DPYSL5: variants seen among roughly 807,000 people sequenced by gnomAD.
The protein encoded by DPYSL5 is dihydropyrimidinase-related protein 5.
A neutral mutation model predicts 58.4 loss-of-function variants in DPYSL5; 9 were observed. The ratio of observed to expected loss-of-function variants is 0.15; its 90% CI spans 0.09 to 0.27. The LOEUF (loss-of-function observed/expected upper bound fraction) is 0.27. DPYSL5 is among the 10% of genes least tolerant of loss of function. The pLI, the probability that DPYSL5 is intolerant of heterozygous loss-of-function variation, is 1.00. For missense variants in DPYSL5, 499 were observed against 770.6 expected (o/e 0.65, Z 4.17); for synonymous variants, 293 against 301.9 (o/e 0.97, Z 0.31).
chr2:26,901,357 C>G (rs776532979), intron 2 of DPYSL5, among the ~76,000 whole-genome samples: 1 of 152,110 alleles, frequency 6.6e-6, no homozygotes, highest in Non-Finnish European at 1.5e-5. Context: ...TTAGTAGATC[C>G]TGCCCAGAGT....
intron 1 of DPYSL5, among the ~76,000 whole-genome samples, chr2:26,880,433 C>T (rs904012176): frequency 6.6e-6 from 1 of 152,214 alleles, no homozygotes; most frequent in East Asian, 1.9e-4. Context: ...ATCCTATGAC[C>T]ACACTTGGAT....
chr2:26,893,236 T>C (rs1166798673), intron 1 of DPYSL5, among the ~76,000 whole-genome samples: 1 of 152,214 alleles, frequency 6.6e-6, no homozygotes, highest in African/African-American at 2.4e-5. Context: ...TAAGCTTTCT[T>C]GTTTGTTGTT....
chr2:26,942,830 A>C lies in DPYSL5; in HGVS notation c.1440+80A>C, dbSNP rs1027916166. On this transcript the variant is annotated intron_variant, in intron 11 of 12. Coordinates refer to ENST00000288699, the MANE Select transcript of DPYSL5 (RefSeq NM_020134.4). The surrounding 1 kb of genome is among the most constrained non-coding windows in gnomAD (Gnocchi z 5.9). ...CCTCCATGACTGTTTTAAATCTCAA[A>C]GAGATGTTCACTCCAGTTTTCGACC... 3 of 1,499,036 alleles carry C rather than the reference A, an allele frequency of 2.0e-6. No individual in the cohort carries two copies. Among genetic ancestry groups the C allele is most frequent in the Non-Finnish European group, 2.7e-6 (3 of 1,092,846 alleles). 92.9% of individuals were successfully genotyped at this position (1,499,036 alleles called of 1,614,324 possible).
intron 1 of DPYSL5, among the ~76,000 whole-genome samples, chr2:26,855,228 GA>G (rs762111503): frequency 6.1e-5 from 9 of 147,014 alleles, no homozygotes; most frequent in Non-Finnish European, 1.1e-4. Flanking sequence ...AGGAGTTCGA[GA>G]CCAGCCTGGT....
chr2:26,934,714 CCT>C lies in DPYSL5; in HGVS notation c.929_930del (p.Leu310HisfsTer7), dbSNP rs761274355. Reference protein sequence around the residue: ...LRLDTNTSTYLMSLLANDTLN... With the variant: ...LRLDTNTSTYXMSLLANDTLN... ...GACTGGACACCAACACCTCAACCTA[CCT>C]CATGAGCCTGCTGGCCAAGTAAGGC... On this transcript the variant is annotated frameshift_variant, in exon 8 of 13. Coordinates refer to ENST00000288699, the MANE Select transcript of DPYSL5 (RefSeq NM_020134.4). LOFTEE classifies it high-confidence loss of function. This position sits in a 1 kb window ranked among gnomAD's most constrained non-coding sequence, Gnocchi z 4.3. 1 of 1,614,170 alleles carries C rather than the reference CCT, an allele frequency of 6.2e-7. No homozygotes were observed. The highest frequency in any genetic ancestry group is 8.5e-7 in the Non-Finnish European group (1 of 1,180,016).
intron 11 of DPYSL5, among the ~76,000 whole-genome samples, chr2:26,943,011 C>T (rs1665366102): frequency 6.6e-6 from 1 of 152,144 alleles, no homozygotes; most frequent in Admixed American, 6.5e-5. Flanking sequence ...GCTGAGGGCA[C>T]AAGTGGGAAA....
chr2:26,904,336 G>A (rs934494952), intron 2 of DPYSL5, among the ~76,000 whole-genome samples: 1 of 152,198 alleles, frequency 6.6e-6, no homozygotes, highest in African/African-American at 2.4e-5. Context: ...TTCAAAATGC[G>A]CTCTCGTGGA....
At chr2:26,926,535 G>T (rs930444720) in intron 3 of DPYSL5, among the ~76,000 whole-genome samples, 21 of 152,168 alleles carry the variant, frequency 1.4e-4, no homozygotes, top group African/African-American at 4.8e-4. Flanking sequence ...AAATAGAAAA[G>T]AAAGGAAGTA....
chr2:26,889,036 C>T (rs929960936), intron 1 of DPYSL5, among the ~76,000 whole-genome samples: 5 of 152,026 alleles, frequency 3.3e-5, no homozygotes, highest in Admixed American at 1.3e-4. Context: ...GACACTATTC[C>T]CATTCATGAG....
At chr2:26,928,751 A>G in intron 5 of DPYSL5, among the ~76,000 whole-genome samples, 1 of 87,384 alleles carries the variant, frequency 1.1e-5, no homozygotes, top group Non-Finnish European at 2.5e-5. Flanking sequence ...GCACACACAT[A>G]CGTGTGTGCG....
chr2:26,934,812 T>C lies in DPYSL5; in HGVS notation c.947+78T>C. On this transcript the variant is annotated intron_variant, in intron 8 of 12. Coordinates refer to ENST00000288699, the MANE Select transcript of DPYSL5 (RefSeq NM_020134.4). This position sits in a 1 kb window ranked among gnomAD's most constrained non-coding sequence, Gnocchi z 4.3. ...TCATAGAGGGCCCAGGAAACAAATCTGAGCTAGGTTTGATTTCATTGTGCC... is the reference window on the plus strand; with the variant it reads ...TCATAGAGGGCCCAGGAAACAAATCCGAGCTAGGTTTGATTTCATTGTGCC... 6.5e-7 allele frequency: 1 copy of C among 1,549,374 alleles called. No individual in the cohort carries two copies. The highest frequency in any genetic ancestry group is 8.8e-7 in the Non-Finnish European group (1 of 1,138,600).
chr2:26,868,009 C>T (rs1428067332), intron 1 of DPYSL5, among the ~76,000 whole-genome samples: 1 of 152,198 alleles, frequency 6.6e-6, no homozygotes, highest in Non-Finnish European at 1.5e-5. Flanking sequence ...CAAGACCTGC[C>T]AATGACAAGG....
intron 1 of DPYSL5, among the ~76,000 whole-genome samples, chr2:26,888,762 T>G (rs1414167816): frequency 6.6e-6 from 1 of 152,164 alleles, no homozygotes; most frequent in Non-Finnish European, 1.5e-5. Flanking sequence ...ACATTTATTT[T>G]AAGGCCCAGT....
At chr2:26,937,192 A>G (rs1665201762) in intron 8 of DPYSL5, among the ~76,000 whole-genome samples, 1 of 152,128 alleles carries the variant, frequency 6.6e-6, no homozygotes, top group Non-Finnish European at 1.5e-5. Flanking sequence ...GACTGGAATA[A>G]GTATCATTGA....
In DPYSL5 at chr2:26,925,547, T is replaced by G. The variant is rs1353883046; in HGVS notation, c.420+502T>G. Among the ~76,000 whole-genome samples the G allele has an allele frequency of 6.6e-6, 1 of 152,226 alleles. No individual in the cohort carries two copies. Among genetic ancestry groups the G allele is most frequent in the African/African-American group, 2.4e-5 (1 of 41,460 alleles). ...CTTTTTTCCTACTGGGGGCCCAGCT[T>G]CTGCTCTGAGAAGCATCGAGGCTGT... is the stretch of plus-strand genomic sequence containing the variant. On this transcript the variant is annotated intron_variant, in intron 3 of 12. Transcript: ENST00000288699. The surrounding 1 kb of genome is among the most constrained non-coding windows in gnomAD (Gnocchi z 4.5).
intron 1 of DPYSL5, among the ~76,000 whole-genome samples, chr2:26,871,010 A>T (rs1300038943): frequency 6.6e-6 from 1 of 152,252 alleles, no homozygotes; most frequent in Non-Finnish European, 1.5e-5. Flanking sequence ...ACCACCTTTC[A>T]GGTGCCCAGT....
intron 1 of DPYSL5, among the ~76,000 whole-genome samples, chr2:26,881,547 TCA>T (rs1014065854): frequency 6.6e-6 from 1 of 152,130 alleles, no homozygotes; most frequent in Non-Finnish European, 1.5e-5. Context: ...AATGTCTGTC[TCA>T]GTGATGGAGG....
At chr2:26,946,404 G>C (rs917468029) in intron 12 of DPYSL5, among the ~76,000 whole-genome samples, 1 of 151,328 alleles carries the variant, frequency 6.6e-6, no homozygotes, top group Non-Finnish European at 1.5e-5. Context: ...TTTGTGTTTT[G>C]TTTGTTTTTG....
intron 1 of DPYSL5, among the ~76,000 whole-genome samples, chr2:26,870,520 T>C (rs1471313500): frequency 6.6e-6 from 1 of 152,130 alleles, no homozygotes; most frequent in African/African-American, 2.4e-5. Flanking sequence ...ATTTTAGTAC[T>C]ACCATTATTA....
Sources: gnomAD v4.1 joint callset for allele counts (sites outside exome capture counted in the v4.1 genomes callset) on GRCh38, gnomAD v4.1.1 for gene constraint, Gnocchi (gnomAD v3.1) non-coding constraint, MANE v1.5 for transcripts, NCBI Gene and HGNC (gene_info 2026-07-23, HGNC 2026-07-21) for gene names.